Variants in HHIPL1 observed in about 807,000 individuals in gnomAD.
HHIPL1 encodes the protein HHIP-like protein 1.
Under a neutral mutation model 61.8 loss-of-function variants are expected in HHIPL1, and 43 were observed. That is an observed-to-expected ratio of 0.70 (90% CI 0.55 to 0.90). The LOEUF is 0.90. HHIPL1 is among the 40% of genes least tolerant of loss of function. The pLI is 0.00. For synonymous variants in HHIPL1, 482 were observed against 515.8 expected, an observed-to-expected ratio of 0.93 and a Z score of 0.89; for missense variants, 1,056 against 1,157.7, an observed-to-expected ratio of 0.91 and a Z score of 1.28.
chr14:99,649,321 T>C (rs931794290), intron 1 of HHIPL1, among the ~76,000 whole-genome samples: 3 of 152,204 alleles, frequency 2.0e-5, no homozygotes, highest in Non-Finnish European at 4.4e-5. Flanking sequence ...TCACTGCGTC[T>C]CTGGAACCAA....
In HHIPL1 at chr14:99,663,077, C is replaced by T. The variant is rs562035391; in HGVS notation, c.1648+56C>T. 1.0e-5 allele frequency: 15 copies of T among 1,503,410 alleles called. No individual in the cohort carries two copies. In the South Asian group the frequency reaches 1.2e-4, roughly 12 times the overall value. 93.1% of individuals were successfully genotyped at this position (1,503,410 alleles called of 1,614,324 possible). The stretch of plus-strand genomic sequence containing the variant: ...TTGCTCGTGCCTGGGACTGGTCCTC[C>T]ACCCTGTGGTCCTTCTGGTCTCTGA... On this transcript the variant is annotated intron_variant, in intron 6 of 8. Transcript: ENST00000330710.
chr14:99,646,808 A>G (rs2055843680), intron 1 of HHIPL1, among the ~76,000 whole-genome samples: 3 of 101,414 alleles, frequency 3.0e-5, no homozygotes, highest in African/African-American at 1.1e-4. Context: ...ATATGATATG[A>G]TATGATATGA....
the HHIPL1 span, among the ~76,000 whole-genome samples, chr14:99,637,085 AAAG>A: frequency 3.6e-3 from 437 of 123,062 alleles, 24 homozygotes; most frequent in African/African-American, 0.013. Flanking sequence ...AGAGAGAAAG[AAAG>A]AAAGAAGGAA....
upstream of HHIPL1, among the ~76,000 whole-genome samples, chr14:99,640,512 T>G (rs771450700): frequency 6.6e-6 from 1 of 152,152 alleles, no homozygotes; most frequent in Non-Finnish European, 1.5e-5. Context: ...CTCAAGCTCC[T>G]GGGCTCAAGC....
At chr14:99,672,250 A>G (rs1167113366) in intron 7 of HHIPL1, 67 bp from the exon 8 acceptor site, 1 of 1,277,750 alleles carries the variant, frequency 7.8e-7, no homozygotes, top group Non-Finnish European at 1.1e-6. Context: ...GCCTCACTGT[A>G]GAGAAAAGGC....
In HHIPL1 at chr14:99,675,609, C is replaced by A. The variant is rs762216447; in HGVS notation, c.2332C>A (p.Gln778Lys). The change falls in exon 9 of 9, where the codon CAG (glutamine) becomes AAG (lysine). Residue 778 changes from glutamine (Q) to lysine (K), a missense_variant. Physicochemically the swap from Gln to Lys is moderately conservative, Grantham distance 53. Transcript: ENST00000330710. The surrounding 1 kb of genome is among the most constrained non-coding windows in gnomAD (Gnocchi z 5.4). ...GGATGCGGGCGTCGTGTGCAGCCAC[C>A]AGAACCCCGACCTGTAGGCAACACG... Reference protein sequence around the residue: ...DEDAGVVCSHQNPDL With the variant: ...DEDAGVVCSHKNPDL The A allele has an allele frequency of 2.4e-5, 36 of 1,524,378 alleles. No homozygotes were observed. Among genetic ancestry groups the A allele is most frequent in the Non-Finnish European group, 2.5e-5 (28 of 1,138,232 alleles). The allele number at this position is 1,524,378 out of a possible 1,614,324, so 94.4% of individuals were successfully genotyped here.
At chr14:99,669,103 A>G in intron 7 of HHIPL1, 8 of 1,415,246 alleles carry the variant, frequency 5.7e-6, no homozygotes, top group African/African-American at 1.4e-5. Flanking sequence ...CTCAGCTCTC[A>G]TCACTCAGAC....
chr14:99,641,205 G>C (rs193133017), upstream of HHIPL1, among the ~76,000 whole-genome samples: 9 of 151,914 alleles, frequency 5.9e-5, no homozygotes, highest in Non-Finnish European at 8.8e-5. Context: ...TTCTTTTAAT[G>C]CTTTTTTGTT....
At chr14:99,661,204 G>A (rs1300085209) in intron 5 of HHIPL1, among the ~76,000 whole-genome samples, 1 of 152,168 alleles carries the variant, frequency 6.6e-6, no homozygotes, top group East Asian at 1.9e-4. Flanking sequence ...GGCTGAGACG[G>A]CTTGGTCTGA....
At chr14:99,626,840 C>A in the HHIPL1 span, among the ~76,000 whole-genome samples, 1 of 152,210 alleles carries the variant, frequency 6.6e-6, no homozygotes, top group Non-Finnish European at 1.5e-5. Flanking sequence ...CCTCTCCTGG[C>A]TCCCCGAATC....
intron 3 of HHIPL1, 65 bp from the exon 4 acceptor site, chr14:99,659,363 C>G (rs2056102048): frequency 7.7e-7 from 1 of 1,295,260 alleles, no homozygotes. Context: ...GCACCTGCCC[C>G]GCGGAGCCCG....
chr14:99,622,684 G>C, the HHIPL1 span, among the ~76,000 whole-genome samples: 1 of 152,164 alleles, frequency 6.6e-6, no homozygotes, highest in Non-Finnish European at 1.5e-5. Flanking sequence ...CACCAGGGGG[G>C]TCCTGAGTTC....
chr14:99,614,197 C>T, the HHIPL1 span, among the ~76,000 whole-genome samples: 1 of 152,248 alleles, frequency 6.6e-6, no homozygotes, highest in East Asian at 1.9e-4. Context: ...GAACCCCAGG[C>T]CACACGGTGA....
At chr14:99,630,632 G>A in the HHIPL1 span, among the ~76,000 whole-genome samples, 4 of 152,334 alleles carry the variant, frequency 2.6e-5, no homozygotes, top group African/African-American at 4.8e-5. Flanking sequence ...AGGGTCCACC[G>A]CCGAAGGCCG....
At chr14:99,664,129 G>A (rs1051184933) in intron 6 of HHIPL1, among the ~76,000 whole-genome samples, 8 of 152,260 alleles carry the variant, frequency 5.3e-5, no homozygotes, top group East Asian at 3.9e-4. Context: ...CCTTGGCCCC[G>A]GGTTGTTCCT....
intron 1 of HHIPL1, among the ~76,000 whole-genome samples, chr14:99,646,862 GATATA>G (rs55679845): frequency 0.27 from 36,289 of 134,704 alleles, 5,097 homozygotes; most frequent in Middle Eastern, 0.44. Flanking sequence ...AATATAATAT[GATATA>G]ATATGATACA....
the HHIPL1 span, among the ~76,000 whole-genome samples, chr14:99,635,050 CG>C: frequency 6.6e-6 from 1 of 151,668 alleles, no homozygotes; most frequent in African/African-American, 2.4e-5. Context: ...TCCCCATTGG[CG>C]GTCTTCAGTG....
chr14:99,653,760 G>A (rs142284106), intron 2 of HHIPL1, among the ~76,000 whole-genome samples: 14 of 152,324 alleles, frequency 9.2e-5, no homozygotes, highest in African/African-American at 3.4e-4. Context: ...TGCCCCAACT[G>A]TTTTCAAAAT....
chr14:99,632,163 G>A, the HHIPL1 span, among the ~76,000 whole-genome samples: 1 of 152,238 alleles, frequency 6.6e-6, no homozygotes, highest in Admixed American at 6.5e-5. Context: ...GTAGAGGCAG[G>A]CAGAAAGAAC....
Sources: gnomAD v4.1 joint callset for allele counts (sites outside exome capture counted in the v4.1 genomes callset) on GRCh38, gnomAD v4.1.1 for gene constraint, Gnocchi (gnomAD v3.1) non-coding constraint, MANE v1.5 for transcripts, NCBI Gene and HGNC (gene_info 2026-07-23, HGNC 2026-07-21) for gene names.